The following ZSCAN20 variants were observed in gnomAD, a reference collection of about 807,000 sequenced individuals.
ZSCAN20 encodes zinc finger and SCAN domain containing 20, also known as zinc finger and SCAN domain-containing protein 20.
In ZSCAN20, 39 loss-of-function variants were observed where a neutral mutation model predicts 97.1. That is an observed-to-expected ratio of 0.40 (90% CI 0.31 to 0.52). ZSCAN20 has a LOEUF of 0.52. Among genes scored for constraint, ZSCAN20 ranks in the 20% least tolerant of loss-of-function variants. ZSCAN20 has a pLI of 0.49. For synonymous variants in ZSCAN20, 456 were observed against 467.3 expected (o/e 0.98, Z 0.31); for missense variants, 1,115 against 1,290.4 (o/e 0.86, Z 2.08).
rs578189749 is a variant in ZSCAN20, at chr1:33,500,664, T to A, written c.*5188T>A. 2.1e-4 allele frequency among the ~76,000 whole-genome samples: 5 copies of A among 23,912 alleles called. No individual in the cohort carries two copies. The highest frequency in any genetic ancestry group is 1.9e-3 in the East Asian group (4 of 2,082). The allele number at this position is 23,912 out of a possible 152,430, so 15.7% of individuals were successfully genotyped here. A position where few individuals can be genotyped will look rare whatever the true frequency, so the allele number is the denominator to read the frequency against. On this transcript the variant is annotated 3_prime_UTR_variant, in exon 8 of 8. Transcript: ENST00000684572. ...ACATGATACTTATTTCTAAAGTCACTTTTTTTTTTTTTTTTACATTTTCAT... is the reference window on the plus strand; with the variant it reads ...ACATGATACTTATTTCTAAAGTCACATTTTTTTTTTTTTTTACATTTTCAT...
At chr1:33,486,149 C>G (rs1652357117) in intron 2 of ZSCAN20, among the ~76,000 whole-genome samples, 1 of 152,144 alleles carries the variant, frequency 6.6e-6, no homozygotes, top group Non-Finnish European at 1.5e-5. Flanking sequence ...CAAAATGGTT[C>G]TTTTTTCCTG....
At chr1:33,490,988 G>A in intron 5 of ZSCAN20, 37 bp from the exon 6 acceptor site, 1 of 1,543,076 alleles carries the variant, frequency 6.5e-7, no homozygotes, top group Non-Finnish European at 8.7e-7. Context: ...CCGCTCAACA[G>A]ACCATTTCTA....
rs767724438 is a variant in ZSCAN20, at chr1:33,493,215, C to A, written c.1473C>A (p.Thr491=). ...GTGTGCACTGGGGCTATGAGGAGAC[C>A]AAGGCCTTCCTGGCAATTCTCAGTG... ...IAGVHWGYEE[T]KAFLAILSES... The change falls in exon 7 of 8, where the codon ACC becomes ACA. Residue 491 remains threonine, a synonymous_variant. Coordinates refer to ENST00000684572, the MANE Select transcript of ZSCAN20 (RefSeq NM_001377376.1). The surrounding 1 kb of genome is among the most constrained non-coding windows in gnomAD (Gnocchi z 4.3). The A allele has an allele frequency of 6.8e-6, 11 of 1,613,990 alleles. No individual in the cohort carries two copies. The African/African-American group carries it at 1.5e-4, about 22-fold the overall frequency.
chr1:33,493,244 C>T lies in ZSCAN20; in HGVS notation c.1502C>T (p.Ser501Phe). 6.2e-7 allele frequency: 1 copy of T among 1,614,178 alleles called. No homozygotes were observed. The highest frequency in any genetic ancestry group is 8.5e-7 in the Non-Finnish European group (1 of 1,180,026). Residue 501 changes from serine to phenylalanine, a missense_variant, in exon 7 of 8, where the codon TCC becomes TTC. Ser to Phe is a radical substitution (Grantham distance 155, BLOSUM62 -2). Transcript: ENST00000684572. This position sits in a 1 kb window ranked among gnomAD's most constrained non-coding sequence, Gnocchi z 4.3. Reference sequence around the variant, plus strand: ...GCCTTCCTGGCAATTCTCAGTGAGTCCCCATTCTCGGAAAAGCTTCGTACC... The same window carrying T: ...GCCTTCCTGGCAATTCTCAGTGAGTTCCCATTCTCGGAAAAGCTTCGTACC... ...TKAFLAILSE[S>F]PFSEKLRTCH...
chr1:33,491,091 G>A lies in ZSCAN20; in HGVS notation c.833G>A (p.Ser278Asn), dbSNP rs762088991. Residue 278 changes from serine (S) to asparagine (N), a missense_variant, in exon 6 of 8, where the codon AGT (serine) becomes AAT (asparagine). This residue lies in a region of ZSCAN20 where 508 missense variants were observed against 611.2 expected (regional missense o/e 0.83). Coordinates refer to ENST00000684572, the MANE Select transcript of ZSCAN20 (RefSeq NM_001377376.1). This position sits in a 1 kb window ranked among gnomAD's most constrained non-coding sequence, Gnocchi z 4.3. ...KEQGPEFWGL[S>N]LINSGKRSTA... ...CAAGGACCAGAGTTTTGGGGTCTAAGTCTTATAAATTCTGGGAAAAGGAGC... is the reference window on the plus strand; with the variant it reads ...CAAGGACCAGAGTTTTGGGGTCTAAATCTTATAAATTCTGGGAAAAGGAGC... 4 of 1,613,962 alleles carry A rather than the reference G, an allele frequency of 2.5e-6. No homozygotes were observed. Among genetic ancestry groups the A allele is most frequent in the South Asian group, 1.1e-5 (1 of 91,048 alleles).
Position 33,494,740 on chromosome 1 carries a change from G to C in ZSCAN20, c.2396G>C (p.Cys799Ser), listed in dbSNP as rs1275164396. 2 of 1,614,186 alleles carry C rather than the reference G, an allele frequency of 1.2e-6. No homozygotes were observed. The highest frequency in any genetic ancestry group is 1.7e-6 in the Non-Finnish European group (2 of 1,180,042). ...TGEKPYKCGE[C>S]WKSFNQSSNL... ...GAAAAGCCCTATAAATGTGGAGAAT[G>C]TTGGAAAAGCTTCAACCAGAGCTCA... Residue 799 changes from cysteine to serine, a missense_variant, in exon 8 of 8, where the codon TGT becomes TCT. Transcript: ENST00000684572.
intron 2 of ZSCAN20, among the ~76,000 whole-genome samples, chr1:33,485,526 C>T (rs1387749122): frequency 1.5e-5 from 1 of 64,770 alleles, no homozygotes; most frequent in East Asian, 4.6e-4. Flanking sequence ...CCTCCTGCCT[C>T]AGCCCCCTGT....
At position 33,485,584 on chromosome 1, in the gene ZSCAN20, A is replaced by ATT. The variant is rs565672286; in HGVS notation, c.418-2872_418-2871dup. 2.5e-3 allele frequency among the ~76,000 whole-genome samples: 372 copies of ATT among 147,932 alleles called. 2 individuals carry two copies. The highest frequency in any genetic ancestry group is 6.9e-3 in the African/African-American group (278 of 40,190). ...CACCATGCCCAGCTAACTTTTGTAT[A>ATT]TTTTTTTTTTGTTGAGATGGGATTT... On this transcript the variant is annotated intron_variant, in intron 2 of 7. Coordinates refer to ENST00000684572, the MANE Select transcript of ZSCAN20 (RefSeq NM_001377376.1).
chr1:33,477,283 G>T (rs545796643), intron 1 of ZSCAN20, among the ~76,000 whole-genome samples: 1 of 152,252 alleles, frequency 6.6e-6, no homozygotes, highest in Admixed American at 6.5e-5. Flanking sequence ...TTTAGGGCAA[G>T]ACTTTAATTT....
At position 33,501,529 on chromosome 1, in the gene ZSCAN20, T is replaced by A. The variant is rs1653068022; in HGVS notation, c.*6053T>A. ...TTGGCTTTGCTTTCACTTCCCCATT[T>A]TCTGTTATTTTTTTTTTTTTTGTGC... On this transcript the variant is annotated 3_prime_UTR_variant, in exon 8 of 8. Transcript: ENST00000684572. Among the ~76,000 whole-genome samples the A allele has an allele frequency of 7.7e-6, 1 of 129,642 alleles. No homozygotes were observed. The highest frequency in any genetic ancestry group is 2.4e-4 in the South Asian group (1 of 4,242). The allele number at this position is 129,642 out of a possible 152,430, so 85.1% of individuals were successfully genotyped here.
chr1:33,488,279 T>A (rs1206986196), intron 2 of ZSCAN20, among the ~76,000 whole-genome samples, 186 bp from the exon 3 acceptor site: 1 of 152,226 alleles, frequency 6.6e-6, no homozygotes, highest in Non-Finnish European at 1.5e-5. Context: ...GTTCAACAGA[T>A]GGTACTCATT....
chr1:33,491,587 G>A lies in ZSCAN20; in HGVS notation c.1329G>A (p.Gly443=), dbSNP rs1299659237. The change falls in exon 6 of 8, where the codon GGG becomes GGA. Residue 443 remains glycine, a synonymous_variant. Transcript: ENST00000684572. This position sits in a 1 kb window ranked among gnomAD's most constrained non-coding sequence, Gnocchi z 4.3. ...SDAEMDEQEE[G]GWDPEEMAED... is the part of the protein sequence containing the mutation. The stretch of plus-strand genomic sequence containing the variant: ...CAGAGATGGATGAGCAGGAGGAAGG[G>A]GGCTGGGATCCTGAAGAAATGGCAG... The A allele has an allele frequency of 2.5e-6, 4 of 1,614,034 alleles. No individual in the cohort carries two copies.
In ZSCAN20 at chr1:33,495,102, A is replaced by T; in HGVS notation, c.2758A>T (p.Asn920Tyr). Residue 920 changes from asparagine (N) to tyrosine (Y), a missense_variant, in exon 8 of 8, where the codon AAC becomes TAC. By Grantham distance (143) the Asn-to-Tyr change is moderately radical. Around this residue, in one of 3 missense-constraint regions of ZSCAN20, gnomAD observed 554 missense variants for 584.9 expected, o/e 0.95. Transcript: ENST00000684572. ...KSFSKSSTLANHQRTHTGEKP... is the reference protein window; with the variant it reads ...KSFSKSSTLAYHQRTHTGEKP... Reference sequence around the variant, plus strand: ...CTTCAGTAAGAGCTCCACCCTGGCCAACCACCAGCGCACCCACACTGGAGA... The same window carrying T: ...CTTCAGTAAGAGCTCCACCCTGGCCTACCACCAGCGCACCCACACTGGAGA... 6.2e-7 allele frequency: 1 copy of T among 1,612,854 alleles called. No individual in the cohort carries two copies. The highest frequency in any genetic ancestry group is 8.5e-7 in the Non-Finnish European group (1 of 1,179,096).
At chr1:33,483,768 G>C (rs1360420085) in intron 2 of ZSCAN20, among the ~76,000 whole-genome samples, 1 of 152,134 alleles carries the variant, frequency 6.6e-6, no homozygotes, top group East Asian at 1.9e-4. Flanking sequence ...TTTTGATTGG[G>C]TGTTGAATCT....
intron 5 of ZSCAN20, among the ~76,000 whole-genome samples, chr1:33,490,244 C>G (rs1379134159): frequency 6.6e-6 from 1 of 152,152 alleles, no homozygotes; most frequent in Non-Finnish European, 1.5e-5. Context: ...CACATGATAT[C>G]TGGGGGAAAT....
At chr1:33,477,658 T>C (rs1651985793) in intron 1 of ZSCAN20, among the ~76,000 whole-genome samples, 1 of 148,696 alleles carries the variant, frequency 6.7e-6, no homozygotes, top group Non-Finnish European at 1.5e-5. Flanking sequence ...TTATTTTTTA[T>C]CTAGTGTGCA....
chr1:33,494,103 T>C, intron 7 of ZSCAN20, 115 bp from the exon 8 acceptor site: 3 of 935,904 alleles, frequency 3.2e-6, no homozygotes, highest in Non-Finnish European at 4.7e-6. Flanking sequence ...ATAGAAGATA[T>C]AAGAATCAAA....
chr1:33,494,646 T>C lies in ZSCAN20; in HGVS notation c.2302T>C (p.Cys768Arg). The change falls in exon 8 of 8, where the codon TGC (cysteine) becomes CGC (arginine). Residue 768 changes from cysteine to arginine, a missense_variant. Physicochemically the swap from Cys to Arg is radical, Grantham distance 180 (BLOSUM62 -3). Transcript: ENST00000684572. ...CCACACTGGAGAGAAGCCCTATAAA[T>C]GCCTTGAATGTGGGAAAAGCTTTAG... The part of the protein sequence containing the change: ...RIHTGEKPYK[C>R]LECGKSFSDH... The C allele has an allele frequency of 6.2e-7, 1 of 1,614,118 alleles. No homozygotes were observed. Among genetic ancestry groups the C allele is most frequent in the South Asian group, 1.1e-5 (1 of 91,080 alleles).
At chr1:33,473,507 C>A (rs1008517386) in intron 1 of ZSCAN20, among the ~76,000 whole-genome samples, 1 of 152,056 alleles carries the variant, frequency 6.6e-6, no homozygotes, top group Admixed American at 6.6e-5. Context: ...TTCATAAACT[C>A]CTTTTGCAGC....
Sources: gnomAD v4.1 joint callset for allele counts (sites outside exome capture counted in the v4.1 genomes callset) on GRCh38, gnomAD v4.1.1 for gene constraint, gnomAD v4.1.1 regional missense constraint, Gnocchi (gnomAD v3.1) non-coding constraint, MANE v1.5 for transcripts, NCBI Gene and HGNC (gene_info 2026-07-23, HGNC 2026-07-21) for gene names.